IRAG1: variants seen among roughly 807,000 people sequenced by gnomAD.
IRAG1 encodes the protein inositol 1,4,5-triphosphate receptor associated 1.
In IRAG1, 62 loss-of-function variants were observed where a neutral mutation model predicts 106.2. The observed-to-expected ratio is 0.58, with a 90% CI of 0.48 to 0.72. The LOEUF is 0.72. Ranked by LOEUF, IRAG1 falls within the 30% of genes least tolerant of loss-of-function variation. The pLI is 0.00. For synonymous variants in IRAG1, 462 were observed against 443.9 expected, an observed-to-expected ratio of 1.04 and a Z score of -0.51; for missense variants, 1,064 against 1,140.7, an observed-to-expected ratio of 0.93 and a Z score of 0.97.
chr11:10,577,154 T>C (rs1322156751), intron 20 of IRAG1, among the ~76,000 whole-genome samples: 4 of 152,158 alleles, frequency 2.6e-5, no homozygotes, highest in East Asian at 1.9e-4. Flanking sequence ...CCTCAAGAGT[T>C]CACTTCAAAC....
At chr11:10,636,173 G>T (rs925361834) in intron 2 of IRAG1, among the ~76,000 whole-genome samples, 1 of 152,120 alleles carries the variant, frequency 6.6e-6, no homozygotes. Flanking sequence ...ACATTGATAA[G>T]GTACCTATGC....
In IRAG1 at chr11:10,627,957, TG is replaced by T; in HGVS notation, c.705+15del. 2 of 1,598,560 alleles carry T rather than the reference TG, an allele frequency of 1.3e-6. No homozygotes were observed. The highest frequency in any genetic ancestry group is 1.7e-6 in the Non-Finnish European group (2 of 1,170,516). On this transcript the variant is annotated intron_variant, in intron 7 of 20. Transcript: ENST00000423302. ...ATTGGCATAGAAACAGCACAGCAGG[TG>T]GGGGGTCCTGTCACCTGTGGTGGTG...
chr11:10,626,482 C>A lies in IRAG1; in HGVS notation c.852G>T (p.Glu284Asp), dbSNP rs78826049. ...AGTTTTCCTTTTGTTCTATTGCAAT[C>A]TCTTTGGACTTCTCAACTGGAGGAG... ...PRPPPVEKSK[E>D]IAIEQKENFD... is the part of the protein sequence containing the mutation. The change falls in exon 9 of 21, where the codon GAG becomes GAT. Residue 284 changes from glutamate to aspartate, a missense_variant. Transcript: ENST00000423302. 7.7e-4 allele frequency: 1,240 copies of A among 1,613,680 alleles called. 8 individuals are homozygous for A. The Admixed American group carries it at 0.012, about 15-fold the overall frequency.
Position 10,628,861 on chromosome 11 carries a change from A to C in IRAG1, c.575-33T>G. On this transcript the variant is annotated intron_variant, in intron 5 of 20. Transcript: ENST00000423302. The surrounding 1 kb of genome is among the most constrained non-coding windows in gnomAD (Gnocchi z 4.1). Reference sequence around the variant, plus strand: ...GACAGACACAAATTGGCTGGCATTCATGAAGGTTTAGGACTTCAACCTGGC... The same window carrying C: ...GACAGACACAAATTGGCTGGCATTCCTGAAGGTTTAGGACTTCAACCTGGC... 1.9e-6 allele frequency: 3 copies of C among 1,553,900 alleles called. No individual in the cohort carries two copies. The Admixed American group carries it at 5.8e-5, about 30-fold the overall frequency.
chr11:10,679,443 A>G (rs563703196), intron 1 of IRAG1, among the ~76,000 whole-genome samples: 6 of 152,290 alleles, frequency 3.9e-5, no homozygotes, highest in Admixed American at 6.5e-5. Flanking sequence ...CAACTGCCCT[A>G]TGAGGTGGAT....
intron 19 of IRAG1, among the ~76,000 whole-genome samples, chr11:10,580,961 C>T (rs141786122): frequency 6.6e-6 from 1 of 152,174 alleles, no homozygotes; most frequent in Admixed American, 6.5e-5. Context: ...GAGGGTGACA[C>T]TCATTTCACA....
chr11:10,688,617 T>C (rs1861837158), intron 1 of IRAG1, among the ~76,000 whole-genome samples: 1 of 152,058 alleles, frequency 6.6e-6, no homozygotes, highest in Admixed American at 6.5e-5. Flanking sequence ...TTGAGCCCAT[T>C]GGTTCCTAAA....
At chr11:10,667,478 A>G (rs963449849) in intron 1 of IRAG1, among the ~76,000 whole-genome samples, 2 of 152,190 alleles carry the variant, frequency 1.3e-5, no homozygotes, top group Non-Finnish European at 2.9e-5. Flanking sequence ...CCGCTACTCA[A>G]TGCTTTCCTG....
chr11:10,678,003 C>CTCTGTCTATCTATCTA (rs1478772925), intron 1 of IRAG1, among the ~76,000 whole-genome samples: 22 of 139,236 alleles, frequency 1.6e-4, no homozygotes, highest in African/African-American at 5.6e-4. Context: ...TTATCTATCT[C>CTCTGTCTATCTATCTA]TCTATCTGTC....
rs142979239 is a variant in IRAG1, at chr11:10,673,860, G to A, written c.67+19676C>T. On this transcript the variant is annotated intron_variant, in intron 1 of 20. Coordinates refer to ENST00000423302, the MANE Select transcript of IRAG1 (RefSeq NM_130385.4). ...GATACATAATGTAAGAAAACAGGTT[G>A]AGGGAAAGAGATAGATTATGTGTCT... Among the ~76,000 whole-genome samples the A allele has an allele frequency of 3.0e-4, 45 of 152,290 alleles. 1 individual carries two copies. In the East Asian group the frequency reaches 8.1e-3, roughly 27 times the overall value.
At chr11:10,646,633 G>A (rs1857969312) in intron 2 of IRAG1, among the ~76,000 whole-genome samples, 1 of 152,128 alleles carries the variant, frequency 6.6e-6, no homozygotes, top group Admixed American at 6.5e-5. Context: ...TTACTTAAAA[G>A]TTACGGGAGG....
At chr11:10,612,010 T>C (rs990077214) in intron 10 of IRAG1, among the ~76,000 whole-genome samples, 9 of 152,160 alleles carry the variant, frequency 5.9e-5, no homozygotes, top group Admixed American at 1.3e-4. Flanking sequence ...TCTTGAATGA[T>C]ATGAAGGGAT....
chr11:10,626,357 A>G lies in IRAG1; in HGVS notation c.977T>C (p.Val326Ala). 6.2e-7 allele frequency: 1 copy of G among 1,613,358 alleles called. No homozygotes were observed. The highest frequency in any genetic ancestry group is 8.5e-7 in the Non-Finnish European group (1 of 1,179,726). ...MALNSPQPGP[V>A]ESELGKQLLK... ...GAGCTGCTTCCCCAGCTCGCTCTCC[A>G]CGGGGCCAGGCTGAGGGCTGTTCAG... The change falls in exon 9 of 21, where the codon GTG (valine) becomes GCG (alanine). Residue 326 changes from valine to alanine, a missense_variant. By Grantham distance (64) the Val-to-Ala change is moderately conservative. Coordinates refer to ENST00000423302, the MANE Select transcript of IRAG1 (RefSeq NM_130385.4).
intron 2 of IRAG1, among the ~76,000 whole-genome samples, chr11:10,648,484 G>C (rs887901950): frequency 2.6e-5 from 4 of 152,198 alleles, no homozygotes; most frequent in Non-Finnish European, 4.4e-5. Flanking sequence ...ACTGAGTGGG[G>C]CTCACGTTAT....
chr11:10,609,842 G>C lies in IRAG1; in HGVS notation c.1457C>G (p.Ser486Cys). 1 of 1,613,698 alleles carries C rather than the reference G, an allele frequency of 6.2e-7. No individual in the cohort carries two copies. The highest frequency in any genetic ancestry group is 1.1e-5 in the South Asian group (1 of 91,054). ...TTCCTCAATAGCTGGGGAGAGTTCA[G>C]AAGGAAGCCCTGAAAAAAAAGTGCT... The part of the protein sequence containing the change: ...EAAEQEKGLP[S>C]ELSPAIEEEE... Residue 486 changes from serine (S) to cysteine (C), a missense_variant, in exon 11 of 21, where the codon TCT (serine) becomes TGT (cysteine). Physicochemically the swap from Ser to Cys is moderately radical, Grantham distance 112 (BLOSUM62 -1). Transcript: ENST00000423302.
intron 1 of IRAG1, among the ~76,000 whole-genome samples, chr11:10,680,534 A>AGGAAGGAAGGAAGGAAGGAAGGAAGG (rs1554935806): frequency 7.1e-6 from 1 of 141,234 alleles, no homozygotes; most frequent in African/African-American, 2.7e-5. Context: ...AAAGGAAGGA[A>AGGAAGGAAGGAAGGAAGGAAGGAAGG]GGAAGGGGAA....
At chr11:10,576,622 CAT>C (rs767809566) in intron 20 of IRAG1, 47 bp from the exon 21 acceptor site, 7 of 1,608,114 alleles carry the variant, frequency 4.4e-6, no homozygotes, top group Non-Finnish European at 5.9e-6. Flanking sequence ...ACTGGGCACA[CAT>C]ATGATACACA....
intron 17 of IRAG1, 107 bp downstream of exon 17, chr11:10,593,385 C>T (rs1852895822): frequency 5.0e-6 from 4 of 805,810 alleles, no homozygotes; most frequent in African/African-American, 1.7e-5. Context: ...ATTTCCTCTC[C>T]TTGTTGACCC....
chr11:10,688,165 T>C (rs1360889205), intron 1 of IRAG1, among the ~76,000 whole-genome samples: 1 of 151,558 alleles, frequency 6.6e-6, no homozygotes, highest in Non-Finnish European at 1.5e-5. Context: ...TGAACCCATA[T>C]TACAGGAGAA....
Sources: allele counts gnomAD v4.1 joint callset (sites outside exome capture counted in the v4.1 genomes callset), GRCh38; gene constraint gnomAD v4.1.1; non-coding constraint Gnocchi (gnomAD v3.1); transcripts MANE v1.5; gene names NCBI Gene and HGNC (gene_info 2026-07-23, HGNC 2026-07-21).